Variants in PIP4P2 observed in about 807,000 individuals in gnomAD.
PIP4P2 encodes the protein type 2 phosphatidylinositol 4,5-bisphosphate 4-phosphatase.
A neutral mutation model predicts 33.3 loss-of-function variants in PIP4P2; 19 were observed. The ratio of observed to expected loss-of-function variants is 0.57; its 90% CI spans 0.40 to 0.84. The LOEUF is 0.84. Among genes scored for constraint, PIP4P2 ranks in the 40% least tolerant of loss-of-function variants. The pLI, the probability that PIP4P2 is intolerant of heterozygous loss-of-function variation, is 0.00. For missense variants in PIP4P2, 270 were observed against 324.7 expected (o/e 0.83, Z 1.29); for synonymous variants, 110 against 111.9 (o/e 0.98, Z 0.11).
At chr8:91,040,139 G>T (rs1424595037) in intron 1 of PIP4P2, among the ~76,000 whole-genome samples, 1 of 152,190 alleles carries the variant, frequency 6.6e-6, no homozygotes, top group African/African-American at 2.4e-5. Flanking sequence ...TTCACTGAGT[G>T]AACAGAGCAC....
chr8:91,012,491 T>C (rs1230240410), intron 4 of PIP4P2, among the ~76,000 whole-genome samples: 3 of 152,128 alleles, frequency 2.0e-5, no homozygotes, highest in Admixed American at 6.6e-5. Context: ...TTCTTCATAA[T>C]ACTGAGCATC....
intron 4 of PIP4P2, among the ~76,000 whole-genome samples, chr8:91,012,675 C>G (rs1297220983): frequency 6.6e-6 from 1 of 152,222 alleles, no homozygotes; most frequent in East Asian, 1.9e-4. Context: ...AATAGTTACT[C>G]TGCTAATATG....
chr8:91,009,713 G>A (rs1174606369), intron 4 of PIP4P2, among the ~76,000 whole-genome samples: 2 of 151,750 alleles, frequency 1.3e-5, no homozygotes, highest in East Asian at 3.9e-4. Flanking sequence ...ATATTCAAAC[G>A]TTTTCCACAC....
intron 1 of PIP4P2, among the ~76,000 whole-genome samples, chr8:91,027,337 C>A (rs1437582578): frequency 1.3e-5 from 2 of 152,214 alleles, no homozygotes; most frequent in Admixed American, 1.3e-4. Flanking sequence ...TGGAAAATAT[C>A]TTTCCTTCTT....
chr8:91,023,663 A>T (rs1425619928), intron 1 of PIP4P2, among the ~76,000 whole-genome samples: 1 of 152,004 alleles, frequency 6.6e-6, no homozygotes, highest in Non-Finnish European at 1.5e-5. Flanking sequence ...AGCAGTGAAG[A>T]TTATAAATCT....
In PIP4P2 at chr8:91,019,144, G is replaced by A. The variant is rs578059640; in HGVS notation, c.363-631C>T. On this transcript the variant is annotated intron_variant, in intron 3 of 6. Coordinates refer to ENST00000285419, the MANE Select transcript of PIP4P2 (RefSeq NM_018710.3). ...ATCCATAATGGTACTGGGCATGAGC[G>A]AATAATTCCAGAATTTATTGCACAT... Among the ~76,000 whole-genome samples the A allele has an allele frequency of 5.9e-5, 9 of 151,892 alleles. No homozygotes were observed. The South Asian group carries it at 6.2e-4, about 11-fold the overall frequency.
intron 5 of PIP4P2, among the ~76,000 whole-genome samples, chr8:90,998,729 G>A (rs1035987688): frequency 9.2e-5 from 14 of 152,052 alleles, no homozygotes; most frequent in African/African-American, 3.4e-4. Flanking sequence ...CATTGAAACT[G>A]GACTCCTTCC....
intron 1 of PIP4P2, among the ~76,000 whole-genome samples, chr8:91,023,164 G>A (rs959739252): frequency 6.6e-6 from 1 of 151,266 alleles, no homozygotes; most frequent in African/African-American, 2.4e-5. Flanking sequence ...AGAAATTCAA[G>A]ACACACTGCC....
intron 1 of PIP4P2, among the ~76,000 whole-genome samples, chr8:91,026,232 G>T (rs762571035): frequency 3.9e-5 from 6 of 152,076 alleles, no homozygotes; most frequent in Non-Finnish European, 8.8e-5. Context: ...CTCCCAATCT[G>T]CTTGCTGTTT....
chr8:91,018,348 G>T, intron 4 of PIP4P2, 42 bp downstream of exon 4: 2 of 1,613,200 alleles, frequency 1.2e-6, no homozygotes, highest in South Asian at 1.1e-5. Flanking sequence ...GTAAGATCAT[G>T]ACCTATATTT....
At chr8:91,003,988 TAG>T (rs1811734444) in intron 5 of PIP4P2, among the ~76,000 whole-genome samples, 2 of 151,778 alleles carry the variant, frequency 1.3e-5, no homozygotes, top group Non-Finnish European at 2.9e-5. Context: ...GATAGATAGA[TAG>T]ATAGATAGAT....
intron 1 of PIP4P2, among the ~76,000 whole-genome samples, chr8:91,025,012 A>C (rs1812063573): frequency 6.6e-6 from 1 of 152,120 alleles, no homozygotes; most frequent in African/African-American, 2.4e-5. Context: ...TGTTCTGGAG[A>C]TCGCTCCACA....
At position 91,035,670 on chromosome 8, in the gene PIP4P2, G is replaced by A. The variant is rs146302583; in HGVS notation, c.106+4974C>T. The stretch of plus-strand genomic sequence containing the variant: ...CTCCCTAGGTTATCTCATATGGAGC[G>A]CCTCAAAGTTTTTCACACTGTGGTA... On this transcript the variant is annotated intron_variant, in intron 1 of 6. Transcript: ENST00000285419. Among the ~76,000 whole-genome samples, 1,150 of 152,186 alleles carry A rather than the reference G, an allele frequency of 7.6e-3. 17 individuals carry two copies. Among genetic ancestry groups the A allele is most frequent in the African/African-American group, 0.026 (1,075 of 41,524 alleles).
In PIP4P2 at chr8:91,009,154, T is replaced by G. The variant is rs369105243; in HGVS notation, c.487-359A>C. ...TCAAAGTTATTTTTCTTTTAAGTCT[T>G]GAGGGCTGGCCTTTTAAATACTTGA... On this transcript the variant is annotated intron_variant, in intron 4 of 6. Coordinates refer to ENST00000285419, the MANE Select transcript of PIP4P2 (RefSeq NM_018710.3). Among the ~76,000 whole-genome samples, 4 of 152,274 alleles carry G rather than the reference T, an allele frequency of 2.6e-5. No homozygotes were observed. In the East Asian group the frequency reaches 7.7e-4, roughly 29 times the overall value.
At chr8:91,013,324 A>T (rs927405164) in intron 4 of PIP4P2, among the ~76,000 whole-genome samples, 1 of 152,200 alleles carries the variant, frequency 6.6e-6, no homozygotes, top group African/African-American at 2.4e-5. Context: ...ACGTAACAAG[A>T]AAGAATGCAA....
At chr8:91,008,688 C>G (rs1026379409) in intron 5 of PIP4P2, 55 bp downstream of exon 5, 20 of 1,538,960 alleles carry the variant, frequency 1.3e-5, no homozygotes, top group Non-Finnish European at 1.7e-5. Flanking sequence ...ATTCTGAACT[C>G]TTCAAATTTG....
chr8:91,033,343 A>G (rs990691531), intron 1 of PIP4P2, among the ~76,000 whole-genome samples: 2 of 152,190 alleles, frequency 1.3e-5, no homozygotes, highest in African/African-American at 2.4e-5. Context: ...TATCTCAGAT[A>G]TAACCTTGTA....
In PIP4P2 at chr8:91,039,213, T is replaced by C. The variant is rs550424165; in HGVS notation, c.106+1431A>G. Among the ~76,000 whole-genome samples, 4 of 152,334 alleles carry C rather than the reference T, an allele frequency of 2.6e-5. No individual in the cohort carries two copies. The South Asian group carries it at 8.3e-4, about 32-fold the overall frequency. On this transcript the variant is annotated intron_variant, in intron 1 of 6. Transcript: ENST00000285419. The stretch of plus-strand genomic sequence containing the variant: ...TTTAAGTCTATTCTACATAATACGA[T>C]TTAGATAACAGTAAAATATTCATAT...
intron 5 of PIP4P2, among the ~76,000 whole-genome samples, chr8:90,999,998 C>T (rs1166927092): frequency 6.6e-6 from 1 of 151,868 alleles, no homozygotes; most frequent in African/African-American, 2.4e-5. Context: ...TTTATATTGA[C>T]CATGACTCTT....
Sources: allele counts gnomAD v4.1 joint callset (sites outside exome capture counted in the v4.1 genomes callset), GRCh38; gene constraint gnomAD v4.1.1; transcripts MANE v1.5; gene names NCBI Gene and HGNC (gene_info 2026-07-23, HGNC 2026-07-21).